Variants in C2orf49 observed in about 807,000 individuals in gnomAD.
The protein encoded by C2orf49 is tRNA-splicing ligase complex subunit ASW.
A neutral mutation model predicts 20.6 loss-of-function variants in C2orf49; 11 were observed. The ratio of observed to expected loss-of-function variants is 0.53; its 90% CI spans 0.34 to 0.88. The LOEUF (loss-of-function observed/expected upper bound fraction) is 0.88. Ranked by LOEUF, C2orf49 falls within the 40% of genes least tolerant of loss-of-function variation. The pLI is 0.02. For missense variants in C2orf49, 289 were observed against 274.2 expected (o/e 1.05, Z -0.38); for synonymous variants, 134 against 108.5 (o/e 1.24, Z -1.46).
chr2:105,356,574 CAAA>C, the C2orf49 span, among the ~76,000 whole-genome samples: 1 of 151,986 alleles, frequency 6.6e-6, no homozygotes, highest in African/African-American at 2.4e-5. Context: ...GATCCTGTCT[CAAA>C]AAAATAAAAT....
rs548128852 is a variant in C2orf49, at chr2:105,345,637, T to C, written c.*266T>C. The C allele has an allele frequency of 1.3e-4, 53 of 423,744 alleles. No homozygotes were observed. The highest frequency in any genetic ancestry group is 2.1e-4 in the Non-Finnish European group (51 of 238,338). The allele number at this position is 423,744 out of a possible 1,614,324, so 26.2% of individuals were successfully genotyped here. On this transcript the variant is annotated 3_prime_UTR_variant, in exon 4 of 4. Coordinates refer to ENST00000258457, the MANE Select transcript of C2orf49 (RefSeq NM_024093.3). The stretch of plus-strand genomic sequence containing the variant: ...TATATGTCATTTATATTGACCCTAC[T>C]GAAATTATTAGCTACAAATGTGCTA...
At chr2:105,361,853 CT>C in the C2orf49 span, among the ~76,000 whole-genome samples, 2 of 152,046 alleles carry the variant, frequency 1.3e-5, no homozygotes, top group Non-Finnish European at 2.9e-5. Flanking sequence ...AAGGTTAATC[CT>C]CCCTGGGATG....
At chr2:105,381,276 A>G in the C2orf49 span, among the ~76,000 whole-genome samples, 2 of 152,174 alleles carry the variant, frequency 1.3e-5, no homozygotes, top group African/African-American at 4.8e-5. Context: ...ATCCTTACAA[A>G]TAAAGATGCA....
chr2:105,375,978 T>C, the C2orf49 span: 1 of 152,194 alleles, frequency 6.6e-6, no homozygotes, highest in Admixed American at 6.5e-5. Context: ...TCTACACATG[T>C]GAACTCATGA....
downstream of C2orf49, among the ~76,000 whole-genome samples, chr2:105,351,323 CCCCA>C (rs202094898): frequency 5.1e-4 from 64 of 125,644 alleles, no homozygotes; most frequent in Admixed American, 3.9e-4. Flanking sequence ...GCCCCCCCCC[CCCCA>C]AAAAAAAAGG....
At chr2:105,374,609 GC>G in the C2orf49 span, 1 of 152,128 alleles carries the variant, frequency 6.6e-6, no homozygotes, top group South Asian at 2.1e-4. Context: ...ACAGACGTGT[GC>G]TTTTGAGTAA....
chr2:105,384,049 A>G, the C2orf49 span, among the ~76,000 whole-genome samples: 1 of 152,174 alleles, frequency 6.6e-6, no homozygotes, highest in Non-Finnish European at 1.5e-5. Context: ...ACGGCTTTTA[A>G]GGGTCTTTCC....
Position 105,343,078 on chromosome 2 carries a change from A to G in C2orf49, c.497A>G (p.His166Arg). The change falls in exon 3 of 4, where the codon CAC becomes CGC. Residue 166 changes from histidine to arginine, a missense_variant. By Grantham distance (29) the His-to-Arg change is conservative. Coordinates refer to ENST00000258457, the MANE Select transcript of C2orf49 (RefSeq NM_024093.3). ...SNLPVNNKTE[H>R]NNNDAKQNHD... ...TTGCCTGTGAACAATAAAACGGAAC[A>G]CAATAATAATGACGCTAAACAGAAC... is the stretch of plus-strand genomic sequence containing the variant. 1 of 1,614,262 alleles carries G rather than the reference A, an allele frequency of 6.2e-7. No homozygotes were observed. Among genetic ancestry groups the G allele is most frequent in the Non-Finnish European group, 8.5e-7 (1 of 1,180,050 alleles).
the C2orf49 span, among the ~76,000 whole-genome samples, chr2:105,379,131 C>G: frequency 2.0e-5 from 3 of 152,200 alleles, no homozygotes; most frequent in Non-Finnish European, 2.9e-5. Flanking sequence ...AATCCTGGCT[C>G]TGCCCTATGC....
intron 2 of C2orf49, 106 bp from the exon 3 acceptor site, chr2:105,342,742 C>T (rs1679703920): frequency 4.3e-6 from 5 of 1,159,288 alleles, no homozygotes; most frequent in Non-Finnish European, 4.8e-6. Flanking sequence ...TCAGATTAGT[C>T]TTATCAGAAA....
the C2orf49 span, chr2:105,361,249 T>C: frequency 6.3e-7 from 1 of 1,592,818 alleles, no homozygotes; most frequent in Admixed American, 1.7e-5. Flanking sequence ...AATCTGTGTG[T>C]GAGATCACAA....
In C2orf49 at chr2:105,343,084, A is replaced by G. The variant is rs1679715403; in HGVS notation, c.503A>G (p.Asn168Ser). ...GTGAACAATAAAACGGAACACAATA[A>G]TAATGACGCTAAACAGAACCATGAC... ...LPVNNKTEHN[N>S]NDAKQNHDLT... Residue 168 changes from asparagine to serine, a missense_variant, in exon 3 of 4, where the codon AAT becomes AGT. Transcript: ENST00000258457. 3.1e-6 allele frequency: 5 copies of G among 1,614,260 alleles called. No homozygotes were observed. The highest frequency in any genetic ancestry group is 4.2e-6 in the Non-Finnish European group (5 of 1,180,050).
the C2orf49 span, among the ~76,000 whole-genome samples, chr2:105,357,065 AG>A: frequency 6.6e-6 from 1 of 152,124 alleles, no homozygotes; most frequent in Non-Finnish European, 1.5e-5. Context: ...CTCTCACCTC[AG>A]CCTCCTGAGT....
the C2orf49 span, among the ~76,000 whole-genome samples, chr2:105,361,954 C>T: frequency 1.2e-4 from 19 of 152,260 alleles, no homozygotes; most frequent in Admixed American, 9.8e-4. Context: ...GAGAAAGCTG[C>T]AGACAGATAG....
At chr2:105,373,284 AT>A in the C2orf49 span, among the ~76,000 whole-genome samples, 11 of 152,214 alleles carry the variant, frequency 7.2e-5, no homozygotes, top group Admixed American at 6.5e-4. Flanking sequence ...CAGGAGATGT[AT>A]TTTTAAGGGG....
chr2:105,373,164 C>T, the C2orf49 span, among the ~76,000 whole-genome samples: 1 of 152,158 alleles, frequency 6.6e-6, no homozygotes, highest in Non-Finnish European at 1.5e-5. Context: ...GTGCCTGGCA[C>T]GCAAGGGCAC....
the C2orf49 span, among the ~76,000 whole-genome samples, chr2:105,354,830 T>C: frequency 6.6e-6 from 1 of 152,220 alleles, no homozygotes; most frequent in African/African-American, 2.4e-5. Context: ...GTAGAATGTG[T>C]AACAAAGTAG....
chr2:105,359,694 T>A, the C2orf49 span: 16 of 152,232 alleles, frequency 1.1e-4, no homozygotes, highest in Admixed American at 9.8e-4. Flanking sequence ...CTCAGAATGT[T>A]ATTTTTACTG....
chr2:105,369,221 G>GC, the C2orf49 span, among the ~76,000 whole-genome samples: 16 of 152,310 alleles, frequency 1.1e-4, no homozygotes, highest in African/African-American at 3.8e-4. Context: ...CAGAGGGACT[G>GC]CCCCGCTCCA....
Sources: allele counts gnomAD v4.1 joint callset (sites outside exome capture counted in the v4.1 genomes callset), GRCh38; gene constraint gnomAD v4.1.1; transcripts MANE v1.5; gene names NCBI Gene and HGNC (gene_info 2026-07-23, HGNC 2026-07-21).